Variants in ANKH observed in about 807,000 individuals in gnomAD.
ANKH encodes ANKH inorganic pyrophosphate transport regulator.
ANKH carries 15 observed loss-of-function variants against 49.0 expected under a neutral mutation model. That is an observed-to-expected ratio of 0.31 (90% CI 0.20 to 0.47). The LOEUF (loss-of-function observed/expected upper bound fraction) is 0.47. Ranked by LOEUF, ANKH falls within the 20% of genes least tolerant of loss-of-function variation. The pLI is 1.00. For missense variants in ANKH, 429 were observed against 652.0 expected (o/e 0.66, Z 3.72); for synonymous variants, 273 against 260.0 (o/e 1.05, Z -0.48).
At chr5:14,788,363 T>C (rs1314095776) in intron 1 of ANKH, 1 of 152,242 alleles carries the variant, frequency 6.6e-6, no homozygotes, top group Non-Finnish European at 1.5e-5. Context: ...AACTACTTCA[T>C]ATATGCAAAT....
chr5:14,787,876 C>T (rs1054089022), intron 1 of ANKH, among the ~76,000 whole-genome samples: 3 of 152,154 alleles, frequency 2.0e-5, no homozygotes, highest in East Asian at 1.9e-4. Context: ...ACAGCCATGA[C>T]GCTCCCAAAC....
At chr5:14,815,232 GA>G (rs1207652002) in intron 1 of ANKH, among the ~76,000 whole-genome samples, 1 of 152,172 alleles carries the variant, frequency 6.6e-6, no homozygotes, top group Non-Finnish European at 1.5e-5. Flanking sequence ...ATGTCTTCAA[GA>G]GACCACAGGC....
rs1738513719 is a variant in ANKH at position 14,745,775 on chromosome 5, T to A, written c.915+95A>T. The A allele has an allele frequency of 1.8e-6, 2 of 1,084,582 alleles. No homozygotes were observed. Among genetic ancestry groups the A allele is most frequent in the African/African-American group, 3.1e-5 (2 of 64,986 alleles). The allele number at this position is 1,084,582 out of a possible 1,614,324, so 67.2% of individuals were successfully genotyped here. A position where few individuals can be genotyped will look rare whatever the true frequency, so the allele number is the denominator to read the frequency against. On this transcript the variant is annotated intron_variant, in intron 7 of 11. Transcript: ENST00000284268. The surrounding 1 kb of genome is among the most constrained non-coding windows in gnomAD (Gnocchi z 4.7). ...TTAACCTTACAAAGGGAAGCAGGAC[T>A]GAGAAGCAACAAAGTGTCCCTCATC... is the stretch of plus-strand genomic sequence containing the variant.
At chr5:14,810,970 G>T (rs1200207873) in intron 1 of ANKH, among the ~76,000 whole-genome samples, 1 of 151,012 alleles carries the variant, frequency 6.6e-6, no homozygotes, top group Non-Finnish European at 1.5e-5. Context: ...GAAGAATTAT[G>T]ATTTCTACAG....
At chr5:14,798,014 C>G in intron 1 of ANKH, 1 of 1,572,084 alleles carries the variant, frequency 6.4e-7, no homozygotes, top group Non-Finnish European at 8.8e-7. Flanking sequence ...TATAACGGGC[C>G]CTGTTTACTT....
chr5:14,719,161 G>A (rs1053250337), intron 8 of ANKH, among the ~76,000 whole-genome samples: 1 of 152,228 alleles, frequency 6.6e-6, no homozygotes, highest in African/African-American at 2.4e-5. Context: ...CTTCCTATGA[G>A]CTTCTGGCCT....
At chr5:14,785,869 C>A (rs1739957255) in intron 1 of ANKH, among the ~76,000 whole-genome samples, 1 of 151,380 alleles carries the variant, frequency 6.6e-6, no homozygotes, top group Non-Finnish European at 1.5e-5. Flanking sequence ...GATGGTGAAA[C>A]CCCATCTCTA....
chr5:14,711,278 C>G lies in ANKH; in HGVS notation c.1398G>C (p.Glu466Asp), dbSNP rs755738354. ...KKKMENESATEGEDSAMTDMP... is the reference protein window; with the variant it reads ...KKKMENESATDGEDSAMTDMP... ...TGTCTGTCATGGCAGAGTCTTCCCC[C>G]TCCGTGGCCGACTCATTCTCCATCT... The change falls in exon 12 of 12, where the codon GAG becomes GAC. Residue 466 changes from glutamate (E) to aspartate (D), a missense_variant. Glu to Asp is a conservative substitution (Grantham distance 45). Coordinates refer to ENST00000284268, the MANE Select transcript of ANKH (RefSeq NM_054027.6). 4 of 1,614,158 alleles carry G rather than the reference C, an allele frequency of 2.5e-6. No homozygotes were observed. The East Asian group carries it at 8.9e-5, about 36-fold the overall frequency.
chr5:14,867,598 G>A (rs1406357658), intron 1 of ANKH, among the ~76,000 whole-genome samples: 1 of 151,978 alleles, frequency 6.6e-6, no homozygotes, highest in African/African-American at 2.4e-5. Context: ...TGTCGCCCAG[G>A]CCGGACTGCG....
At chr5:14,811,504 T>A (rs1363673141) in intron 1 of ANKH, among the ~76,000 whole-genome samples, 1 of 152,204 alleles carries the variant, frequency 6.6e-6, no homozygotes, top group East Asian at 1.9e-4. Context: ...GGGTGCGTAC[T>A]ATTGGAACTA....
At chr5:14,846,498 A>G (rs1294924294) in intron 1 of ANKH, among the ~76,000 whole-genome samples, 4 of 152,224 alleles carry the variant, frequency 2.6e-5, no homozygotes, top group African/African-American at 7.2e-5. Context: ...TTAGTCCCTC[A>G]GCTTTTCAAA....
chr5:14,745,998 C>T lies in ANKH; in HGVS notation c.823-36G>A, dbSNP rs1280607238. ...AAGAGGTGGCAGAGTTAGCAGGGTA[C>T]CAGCAGGAAGTCCTCCAGGAGCTAC... On this transcript the variant is annotated intron_variant, in intron 6 of 11. Transcript: ENST00000284268. The surrounding 1 kb of genome is among the most constrained non-coding windows in gnomAD (Gnocchi z 4.7). The T allele has an allele frequency of 6.3e-7, 1 of 1,579,158 alleles. No homozygotes were observed. Among genetic ancestry groups the T allele is most frequent in the African/African-American group, 1.3e-5 (1 of 74,190 alleles).
intron 1 of ANKH, among the ~76,000 whole-genome samples, chr5:14,773,850 C>T (rs1739529039): frequency 6.6e-6 from 1 of 152,146 alleles, no homozygotes; most frequent in South Asian, 2.1e-4. Flanking sequence ...AATGAATTGG[C>T]TATTTTCTAC....
intron 1 of ANKH, among the ~76,000 whole-genome samples, chr5:14,780,984 T>C (rs1368728892): frequency 6.6e-6 from 1 of 152,222 alleles, no homozygotes; most frequent in Non-Finnish European, 1.5e-5. Flanking sequence ...AAGTCAGACG[T>C]ACATGTGCAG....
At chr5:14,785,471 C>T (rs963728641) in intron 1 of ANKH, among the ~76,000 whole-genome samples, 1 of 152,182 alleles carries the variant, frequency 6.6e-6, no homozygotes, top group African/African-American at 2.4e-5. Context: ...TCACCTTCTG[C>T]CATGATTGGA....
At chr5:14,844,726 G>A (rs942548122) in intron 1 of ANKH, among the ~76,000 whole-genome samples, 3 of 152,190 alleles carry the variant, frequency 2.0e-5, no homozygotes, top group Non-Finnish European at 4.4e-5. Context: ...CTGTAGATTC[G>A]GGATTTGCTT....
chr5:14,729,268 G>A (rs535291820), intron 8 of ANKH, among the ~76,000 whole-genome samples: 1 of 152,120 alleles, frequency 6.6e-6, no homozygotes, highest in East Asian at 1.9e-4. Context: ...GGGCAGGCTG[G>A]TCTCGAACTC....
chr5:14,748,200 A>T (rs1355829211), intron 6 of ANKH, among the ~76,000 whole-genome samples: 3 of 152,242 alleles, frequency 2.0e-5, no homozygotes, highest in Non-Finnish European at 4.4e-5. Flanking sequence ...TGTGTGTTAC[A>T]GTAGCCACCC....
intron 1 of ANKH, among the ~76,000 whole-genome samples, chr5:14,831,986 C>A (rs1385480461): frequency 6.6e-6 from 1 of 152,160 alleles, no homozygotes; most frequent in African/African-American, 2.4e-5. Context: ...GGAAAATGTT[C>A]TGGCCCAGCA....
Sources: gnomAD v4.1 joint callset for allele counts (sites outside exome capture counted in the v4.1 genomes callset) on GRCh38, gnomAD v4.1.1 for gene constraint, Gnocchi (gnomAD v3.1) non-coding constraint, MANE v1.5 for transcripts, NCBI Gene and HGNC (gene_info 2026-07-23, HGNC 2026-07-21) for gene names.